Variants in REM2 observed in about 807,000 individuals in gnomAD.
REM2 encodes GTP-binding protein REM 2.
Under a neutral mutation model 24.4 loss-of-function variants are expected in REM2, and 24 were observed. The ratio of observed to expected loss-of-function variants is 0.98; its 90% CI spans 0.71 to 1.38. The LOEUF (loss-of-function observed/expected upper bound fraction) is 1.38, where lower values mean the gene tolerates loss of function less well. Among genes scored for constraint, REM2 ranks in the 40% most tolerant of loss-of-function variants. The pLI, the probability that REM2 is intolerant of heterozygous loss-of-function variation, is 0.00. For missense variants in REM2, 429 were observed against 467.8 expected (o/e 0.92, Z 0.77); for synonymous variants, 187 against 198.0 (o/e 0.94, Z 0.47).
rs1166291561 is a variant in REM2 at position 22,886,970 on chromosome 14, T to TCGCCC, written c.*73_*77dup. On this transcript the variant is annotated 3_prime_UTR_variant, in exon 5 of 5. Coordinates refer to ENST00000267396, the MANE Select transcript of REM2 (RefSeq NM_173527.3). This position sits in a 1 kb window ranked among gnomAD's most constrained non-coding sequence, Gnocchi z 5.9. ...CACCGCGCCCTCCGCTCGCCCCCCC[T>TCGCCC]CGCCCCGCCCCGCCCCCGTCCGGCT... The TCGCCC allele has an allele frequency of 9.3e-6, 12 of 1,284,252 alleles. No homozygotes were observed. In the East Asian group the frequency reaches 2.4e-4, roughly 26 times the overall value. The allele number at this position is 1,284,252 out of a possible 1,614,324, so 79.6% of individuals were successfully genotyped here. A position where few individuals can be genotyped will look rare whatever the true frequency, so the allele number is the denominator to read the frequency against.
Position 22,887,023 on chromosome 14 carries a change from A to C in REM2, c.*114A>C. On this transcript the variant is annotated 3_prime_UTR_variant, in exon 5 of 5. Transcript: ENST00000267396. ...CTTGGTGGAGGCCGTCTAGGAAACC[A>C]AAAACTCCCAGGATGCCCCGGTGTG... The C allele has an allele frequency of 1.0e-6, 1 of 994,460 alleles. No homozygotes were observed. Among genetic ancestry groups the C allele is most frequent in the Non-Finnish European group, 1.4e-6 (1 of 725,670 alleles). The allele number at this position is 994,460 out of a possible 1,614,324, so 61.6% of individuals were successfully genotyped here.
In REM2 at chr14:22,886,999, T is replaced by C. The variant is rs2040137326; in HGVS notation, c.*90T>C. On this transcript the variant is annotated 3_prime_UTR_variant, in exon 5 of 5. Coordinates refer to ENST00000267396, the MANE Select transcript of REM2 (RefSeq NM_173527.3). The surrounding 1 kb of genome is among the most constrained non-coding windows in gnomAD (Gnocchi z 5.9). ...CCCGCCCCGCCCCCGTCCGGCTTCCTTGGTGGAGGCCGTCTAGGAAACCAA... is the reference window on the plus strand; with the variant it reads ...CCCGCCCCGCCCCCGTCCGGCTTCCCTGGTGGAGGCCGTCTAGGAAACCAA... The C allele has an allele frequency of 1.7e-6, 2 of 1,189,144 alleles. No individual in the cohort carries two copies. The highest frequency in any genetic ancestry group is 3.6e-5 in the Admixed American group (1 of 27,702). 73.7% of individuals were successfully genotyped at this position (1,189,144 alleles called of 1,614,324 possible). A position where few individuals can be genotyped will look rare whatever the true frequency, so the allele number is the denominator to read the frequency against.
chr14:22,883,736 A>AC (rs2040091243), intron 1 of REM2, among the ~76,000 whole-genome samples: 1 of 151,066 alleles, frequency 6.6e-6, no homozygotes, highest in Non-Finnish European at 1.5e-5. Flanking sequence ...GGCAGGGGCT[A>AC]CCCCGGGGAA....
chr14:22,884,829 G>A lies in REM2; in HGVS notation c.259G>A (p.Asp87Asn). The A allele has an allele frequency of 1.9e-6, 3 of 1,614,032 alleles. No individual in the cohort carries two copies. Among genetic ancestry groups the A allele is most frequent in the Non-Finnish European group, 2.5e-6 (3 of 1,179,896 alleles). The change falls in exon 2 of 5, where the codon GAC becomes AAC. Residue 87 changes from aspartate (D) to asparagine (N), a missense_variant. Asp to Asn is a conservative substitution (Grantham distance 23). Transcript: ENST00000267396. ...GCGGGCCCAGGCTGTAGATGAACTT[G>A]ACTGGCCACCTCAGGCCTCATCCTC... ...LRRAQAVDEL[D>N]WPPQASSSGS...
At position 22,884,972 on chromosome 14, in the gene REM2, T is replaced by C; in HGVS notation, c.402T>C (p.Phe134=). 6.4e-7 allele frequency: 1 copy of C among 1,568,138 alleles called. No homozygotes were observed. Among genetic ancestry groups the C allele is most frequent in the East Asian group, 2.3e-5 (1 of 44,326 alleles). ...GCAAGAGCACCCTAGCAGGCACTTT[T>C]GGTGGTCTCCAGGGAGACAGTGCTC... ...GVGKSTLAGT[F]GGLQGDSAHE... is the part of the protein sequence containing the mutation. Residue 134 remains phenylalanine, a synonymous_variant, in exon 2 of 5, where the codon TTT becomes TTC. Coordinates refer to ENST00000267396, the MANE Select transcript of REM2 (RefSeq NM_173527.3).
rs377139889 is a variant in REM2 at position 22,884,935 on chromosome 14, A to T, written c.365A>T (p.Glu122Val). ...ATCTTCAAGGTCATGCTAGTGGGGG[A>T]GAGCGGCGTGGGCAAGAGCACCCTA... ...DGIFKVMLVG[E>V]SGVGKSTLAG... The change falls in exon 2 of 5, where the codon GAG becomes GTG. Residue 122 changes from glutamate (E) to valine (V), a missense_variant. Physicochemically the swap from Glu to Val is moderately radical, Grantham distance 121 (BLOSUM62 -2). Coordinates refer to ENST00000267396, the MANE Select transcript of REM2 (RefSeq NM_173527.3). 1.2e-6 allele frequency: 2 copies of T among 1,602,136 alleles called. No individual in the cohort carries two copies. Among genetic ancestry groups the T allele is most frequent in the African/African-American group, 2.7e-5 (2 of 74,662 alleles).
intron 1 of REM2, among the ~76,000 whole-genome samples, 194 bp downstream of exon 1, chr14:22,883,584 C>T (rs2040089439): frequency 6.6e-6 from 1 of 152,074 alleles, no homozygotes; most frequent in African/African-American, 2.4e-5. Context: ...GAAGAGCTGC[C>T]TAAATGCCCC....
At chr14:22,884,343 G>T in intron 1 of REM2, 1 of 985,452 alleles carries the variant, frequency 1.0e-6, no homozygotes, top group Non-Finnish European at 1.2e-6. Flanking sequence ...CAGGGCCAGA[G>T]GCCTAGTCTG....
intron 1 of REM2, among the ~76,000 whole-genome samples, chr14:22,883,931 T>C (rs2040094891): frequency 1.3e-5 from 2 of 151,170 alleles, no homozygotes; most frequent in Non-Finnish European, 3.0e-5. Flanking sequence ...ACACTATCTC[T>C]CTCTCTCTAC....
rs1468928202 is a variant in REM2, at chr14:22,886,357, G to A, written c.727+126G>A. The A allele has an allele frequency of 1.1e-6, 1 of 893,956 alleles. No individual in the cohort carries two copies. Among genetic ancestry groups the A allele is most frequent in the East Asian group, 2.7e-5 (1 of 37,666 alleles). 55.4% of individuals were successfully genotyped at this position (893,956 alleles called of 1,614,324 possible). A position where few individuals can be genotyped will look rare whatever the true frequency, so the allele number is the denominator to read the frequency against. ...CTCACTTGCAATCAGACCCAGGCTAGGGGGACACTCCCAATGCCCCACTCG... is the reference window on the plus strand; with the variant it reads ...CTCACTTGCAATCAGACCCAGGCTAAGGGGACACTCCCAATGCCCCACTCG... On this transcript the variant is annotated intron_variant, in intron 4 of 4. Coordinates refer to ENST00000267396, the MANE Select transcript of REM2 (RefSeq NM_173527.3). The surrounding 1 kb of genome is among the most constrained non-coding windows in gnomAD (Gnocchi z 5.9).
At position 22,886,966 on chromosome 14, in the gene REM2, C is replaced by A. The variant is rs955060798; in HGVS notation, c.*57C>A. 1.5e-6 allele frequency: 2 copies of A among 1,308,692 alleles called. No homozygotes were observed. The highest frequency in any genetic ancestry group is 3.1e-5 in the African/African-American group (2 of 63,724). 81.1% of individuals were successfully genotyped at this position (1,308,692 alleles called of 1,614,324 possible). ...TGGTCACCGCGCCCTCCGCTCGCCC[C>A]CCCTCGCCCCGCCCCGCCCCCGTCC... On this transcript the variant is annotated 3_prime_UTR_variant, in exon 5 of 5. Transcript: ENST00000267396. The surrounding 1 kb of genome is among the most constrained non-coding windows in gnomAD (Gnocchi z 5.9).
chr14:22,886,001 A>G lies in REM2; in HGVS notation c.520-23A>G, dbSNP rs756298840. 1.2e-6 allele frequency: 2 copies of G among 1,600,530 alleles called. No homozygotes were observed. The highest frequency in any genetic ancestry group is 2.2e-5 in the East Asian group (1 of 44,806). On this transcript the variant is annotated intron_variant, in intron 3 of 4. Transcript: ENST00000267396. This position sits in a 1 kb window ranked among gnomAD's most constrained non-coding sequence, Gnocchi z 5.9. ...CAGGATCTCCTATGCCTCCAGCCCT[A>G]ACGTTCCTCTGCCTGTCTGCAGGGG...
Position 22,884,940 on chromosome 14 carries a change from G to A in REM2, c.370G>A (p.Gly124Ser), listed in dbSNP as rs143212029. Residue 124 changes from glycine (G) to serine (S), a missense_variant, in exon 2 of 5, where the codon GGC becomes AGC. By Grantham distance (56) the Gly-to-Ser change is moderately conservative. Coordinates refer to ENST00000267396, the MANE Select transcript of REM2 (RefSeq NM_173527.3). ...IFKVMLVGES[G>S]VGKSTLAGTF... ...CAAGGTCATGCTAGTGGGGGAGAGC[G>A]GCGTGGGCAAGAGCACCCTAGCAGG... 140 of 1,600,310 alleles carry A rather than the reference G, an allele frequency of 8.7e-5. No homozygotes were observed. The highest frequency in any genetic ancestry group is 1.1e-4 in the Non-Finnish European group (123 of 1,170,554).
chr14:22,884,662 A>G lies in REM2; in HGVS notation c.104-12A>G, dbSNP rs2040104101. 10 of 1,584,914 alleles carry G rather than the reference A, an allele frequency of 6.3e-6. No homozygotes were observed. Among genetic ancestry groups the G allele is most frequent in the Non-Finnish European group, 7.7e-6 (9 of 1,164,286 alleles). ...ATAGCTTCCTTTTCTTTGCCCTCCC[A>G]TTTTATTTTAGAAGCAGATGCCACG... On this transcript the variant is annotated splice_polypyrimidine_tract_variant and intron_variant, in intron 1 of 4. Coordinates refer to ENST00000267396, the MANE Select transcript of REM2 (RefSeq NM_173527.3).
rs755189659 is a variant in REM2, at chr14:22,885,284, G to A, written c.464G>A (p.Arg155His). 1.7e-5 allele frequency: 27 copies of A among 1,613,360 alleles called. No homozygotes were observed. The highest frequency in any genetic ancestry group is 2.2e-5 in the East Asian group (1 of 44,886). ...PENPEDTYERRIMVDKEEVTL... is the reference protein window; with the variant it reads ...PENPEDTYERHIMVDKEEVTL... ...CCAGCAGAGGATACCTATGAGAGAC[G>A]CATCATGGTGGATAAGGAGGAAGTG... Residue 155 changes from arginine to histidine, a missense_variant, in exon 3 of 5, where the codon CGC (arginine) becomes CAC (histidine). Transcript: ENST00000267396.
In REM2 at chr14:22,884,849, A is replaced by C; in HGVS notation, c.279A>C (p.Ser93=). The change falls in exon 2 of 5, where the codon TCA becomes TCC. Residue 93 remains serine, a synonymous_variant. Transcript: ENST00000267396. ...AACTTGACTGGCCACCTCAGGCCTC[A>C]TCCTCTGGCTCGTCTGACTCCTTGG... ...VDELDWPPQA[S]SSGSSDSLGS... 1 of 1,613,964 alleles carries C rather than the reference A, an allele frequency of 6.2e-7. No individual in the cohort carries two copies. The highest frequency in any genetic ancestry group is 1.1e-5 in the South Asian group (1 of 91,078).
chr14:22,886,739 C>G lies in REM2; in HGVS notation c.853C>G (p.His285Asp), dbSNP rs1428866825. ...RQIRLRRGRNHAGGQRPDPGS... is the reference protein window; with the variant it reads ...RQIRLRRGRNDAGGQRPDPGS... ...GATCCGGCTGCGGCGGGGCCGAAAC[C>G]ACGCCGGAGGCCAGAGGCCCGATCC... The change falls in exon 5 of 5, where the codon CAC (histidine) becomes GAC (aspartate). Residue 285 changes from histidine to aspartate, a missense_variant. By Grantham distance (81) the His-to-Asp change is moderately conservative. Transcript: ENST00000267396. This position sits in a 1 kb window ranked among gnomAD's most constrained non-coding sequence, Gnocchi z 5.9. The G allele has an allele frequency of 5.2e-6, 8 of 1,531,184 alleles. No homozygotes were observed. The African/African-American group carries it at 5.6e-5, about 11-fold the overall frequency. 94.8% of individuals were successfully genotyped at this position (1,531,184 alleles called of 1,614,324 possible).
Position 22,885,357 on chromosome 14 carries a change from G to A in REM2, c.519+18G>A. On this transcript the variant is annotated intron_variant, in intron 3 of 4. Transcript: ENST00000267396. ...GGGAACAGGTGAGAACTAAGATGTG[G>A]CTGCAGGCAGGTGATGAAGCTGGGA... is the stretch of plus-strand genomic sequence containing the variant. 2 of 1,594,022 alleles carry A rather than the reference G, an allele frequency of 1.3e-6. No individual in the cohort carries two copies. Among genetic ancestry groups the A allele is most frequent in the Non-Finnish European group, 1.7e-6 (2 of 1,161,698 alleles).
Position 22,887,017 on chromosome 14 carries a change from G to A in REM2, c.*108G>A, listed in dbSNP as rs560972384. On this transcript the variant is annotated 3_prime_UTR_variant, in exon 5 of 5. Coordinates refer to ENST00000267396, the MANE Select transcript of REM2 (RefSeq NM_173527.3). ...GGCTTCCTTGGTGGAGGCCGTCTAG[G>A]AAACCAAAAACTCCCAGGATGCCCC... 8.1e-5 allele frequency: 89 copies of A among 1,093,928 alleles called. 1 individual carries two copies. In the South Asian group the frequency reaches 1.9e-3, roughly 23 times the overall value. The allele number at this position is 1,093,928 out of a possible 1,614,324, so 67.8% of individuals were successfully genotyped here.
Sources: gnomAD v4.1 joint callset for allele counts (sites outside exome capture counted in the v4.1 genomes callset) on GRCh38, gnomAD v4.1.1 for gene constraint, Gnocchi (gnomAD v3.1) non-coding constraint, MANE v1.5 for transcripts, NCBI Gene and HGNC (gene_info 2026-07-23, HGNC 2026-07-21) for gene names.